Variants in PADI3 observed in about 807,000 individuals in gnomAD.
The protein encoded by PADI3 is protein-arginine deiminase type-3.
In PADI3, 53 loss-of-function variants were observed where a neutral mutation model predicts 71.5. The ratio of observed to expected loss-of-function variants is 0.74; its 90% CI spans 0.59 to 0.93. The LOEUF is 0.93. Among genes scored for constraint, PADI3 ranks in the 40% least tolerant of loss-of-function variants. The pLI, the probability that PADI3 is intolerant of heterozygous loss-of-function variation, is 0.00. For missense variants in PADI3, 821 were observed against 868.0 expected (o/e 0.95, Z 0.68); for synonymous variants, 361 against 347.5 (o/e 1.04, Z -0.43).
intron 11 of PADI3, among the ~76,000 whole-genome samples, chr1:17,276,206 G>A (rs956549993): frequency 1.3e-5 from 2 of 152,092 alleles, no homozygotes; most frequent in Admixed American, 6.5e-5. Flanking sequence ...GCCTGGTGGT[G>A]CACGCCTGTA....
intron 15 of PADI3, among the ~76,000 whole-genome samples, chr1:17,282,330 C>T (rs550350851): frequency 6.6e-6 from 1 of 152,270 alleles, no homozygotes; most frequent in South Asian, 2.1e-4. Flanking sequence ...CTCTCTTTCT[C>T]TCACCCTCTC....
At position 17,271,132 on chromosome 1, in the gene PADI3, T is replaced by C. The variant is rs771399492; in HGVS notation, c.1001T>C (p.Leu334Pro). ...AELARKAGCK[L>P]TICPQAENRN... Reference sequence around the variant, plus strand: ...CTGGCCAGGAAGGCCGGCTGCAAGCTGACCATCTGCCCACAGGCCGAGAAC... The same window carrying C: ...CTGGCCAGGAAGGCCGGCTGCAAGCCGACCATCTGCCCACAGGCCGAGAAC... The change falls in exon 9 of 16, where the codon CTG becomes CCG. Residue 334 changes from leucine to proline, a missense_variant. Physicochemically the swap from Leu to Pro is moderately conservative, Grantham distance 98. Transcript: ENST00000375460. 4 of 1,613,826 alleles carry C rather than the reference T, an allele frequency of 2.5e-6. No individual in the cohort carries two copies. The highest frequency in any genetic ancestry group is 1.1e-5 in the South Asian group (1 of 91,080).
intron 6 of PADI3, among the ~76,000 whole-genome samples, chr1:17,269,726 T>C (rs1454025596): frequency 1.3e-5 from 2 of 152,082 alleles, no homozygotes; most frequent in African/African-American, 4.8e-5. Context: ...CAAGCAATCC[T>C]CCTGCCTAAG....
In PADI3 at chr1:17,259,775, T is replaced by G; in HGVS notation, c.273+17T>G. 6.3e-7 allele frequency: 1 copy of G among 1,584,354 alleles called. No individual in the cohort carries two copies. The highest frequency in any genetic ancestry group is 8.6e-7 in the Non-Finnish European group (1 of 1,160,530). On this transcript the variant is annotated intron_variant, in intron 2 of 15. Coordinates refer to ENST00000375460, the MANE Select transcript of PADI3 (RefSeq NM_016233.2). ...GACAGCCATGTGAGCTGGTCCCTGG[T>G]GGGGTGGGGAGAGGTTTCGAGGGAG... is the stretch of plus-strand genomic sequence containing the variant.
chr1:17,261,598 C>G (rs1249422653), intron 2 of PADI3, among the ~76,000 whole-genome samples: 1 of 152,204 alleles, frequency 6.6e-6, no homozygotes, highest in East Asian at 1.9e-4. Context: ...CCTATGGGCT[C>G]AGTCTTTTAC....
chr1:17,275,125 A>G (rs1340346915), intron 11 of PADI3, among the ~76,000 whole-genome samples: 1 of 152,128 alleles, frequency 6.6e-6, no homozygotes, highest in Non-Finnish European at 1.5e-5. Context: ...AGATGATACT[A>G]GTAACAGTCA....
At chr1:17,274,506 A>T in intron 10 of PADI3, 129 bp from the exon 11 acceptor site, 2 of 759,720 alleles carry the variant, frequency 2.6e-6, no homozygotes, top group Non-Finnish European at 4.4e-6. Context: ...ACCGCCAATG[A>T]CTCTGTATTT....
intron 1 of PADI3, among the ~76,000 whole-genome samples, chr1:17,251,849 G>A (rs1442185763): frequency 1.3e-5 from 2 of 152,214 alleles, no homozygotes; most frequent in Non-Finnish European, 2.9e-5. Context: ...CCCCAAACCT[G>A]CCATATGCAG....
chr1:17,273,474 C>A, intron 10 of PADI3, 27 bp downstream of exon 10: 1 of 1,520,180 alleles, frequency 6.6e-7, no homozygotes, highest in Non-Finnish European at 9.1e-7. Context: ...GCAGCCCACC[C>A]CTGAGAGCTG....
Position 17,274,671 on chromosome 1 carries a change from G to A in PADI3, c.1192G>A (p.Asp398Asn), listed in dbSNP as rs139813503. ...DFGYVTREPRDRSVSGLDSFG... is the reference protein window; with the variant it reads ...DFGYVTREPRNRSVSGLDSFG... The stretch of plus-strand genomic sequence containing the variant: ...TGGTTACGTGACTCGGGAACCACGC[G>A]ACAGGTCTGTGAGTGGCCTGGACTC... The change falls in exon 11 of 16, where the codon GAC becomes AAC. Residue 398 changes from aspartate to asparagine, a missense_variant. Coordinates refer to ENST00000375460, the MANE Select transcript of PADI3 (RefSeq NM_016233.2). The A allele has an allele frequency of 5.9e-5, 95 of 1,613,436 alleles. No individual in the cohort carries two copies. Among genetic ancestry groups the A allele is most frequent in the Middle Eastern group, 1.6e-4 (1 of 6,082 alleles).
Position 17,269,808 on chromosome 1 carries a change from A to G in PADI3, c.653-425A>G, listed in dbSNP as rs534831634. 6.7e-4 allele frequency among the ~76,000 whole-genome samples: 102 copies of G among 152,100 alleles called. No homozygotes were observed. In the East Asian group the frequency reaches 0.018, roughly 27 times the overall value. ...TAATTTTTGTATTTTTAGTAGAGAC[A>G]GGGTTTCACTATGTTAGCCAGGCTG... On this transcript the variant is annotated intron_variant, in intron 6 of 15. Transcript: ENST00000375460.
chr1:17,269,713 G>A (rs1013554858), intron 6 of PADI3, among the ~76,000 whole-genome samples: 3 of 152,082 alleles, frequency 2.0e-5, no homozygotes, highest in African/African-American at 4.8e-5. Context: ...CGCCTCCTGG[G>A]TTCAAGCAAT....
At chr1:17,269,327 T>C (rs755680039) in intron 6 of PADI3, among the ~76,000 whole-genome samples, 31 of 152,244 alleles carry the variant, frequency 2.0e-4, no homozygotes, top group Non-Finnish European at 3.5e-4. Context: ...CTGGTATTTA[T>C]TGAGCTCTAC....
At position 17,251,295 on chromosome 1, in the gene PADI3, G is replaced by A. The variant is rs146337680; in HGVS notation, c.92+2066G>A. On this transcript the variant is annotated intron_variant, in intron 1 of 15. Transcript: ENST00000375460. ...CTGAGTTAGTTCTGAGGTCCCTCCC[G>A]GCTTGGAGGTGCCATGATGTAACAA... Among the ~76,000 whole-genome samples, 14 of 152,284 alleles carry A rather than the reference G, an allele frequency of 9.2e-5. 1 individual carries two copies. The highest frequency in any genetic ancestry group is 4.2e-4 in the South Asian group (2 of 4,818).
At chr1:17,271,219 C>A in intron 9 of PADI3, 41 bp downstream of exon 9, 2 of 1,551,530 alleles carry the variant, frequency 1.3e-6, no homozygotes, top group Non-Finnish European at 1.8e-6. Context: ...AGGACGCCAT[C>A]CTGGAGAGAG....
In PADI3 at chr1:17,280,689, C is replaced by T. The variant is rs755344515; in HGVS notation, c.1654C>T (p.Arg552Cys). The T allele has an allele frequency of 1.9e-5, 30 of 1,614,012 alleles. No individual in the cohort carries two copies. The highest frequency in any genetic ancestry group is 1.2e-4 in the African/African-American group (9 of 74,910). The change falls in exon 15 of 16, where the codon CGT becomes TGT. Residue 552 changes from arginine (R) to cysteine (C), a missense_variant. Arg to Cys is a radical substitution (Grantham distance 180). Transcript: ENST00000375460. ...KFVQSCIDWN[R>C]EVLKRELGLA... ...CCCCCAGAGCTGCATCGACTGGAAC[C>T]GTGAGGTGCTGAAGCGGGAGCTGGG...
intron 1 of PADI3, among the ~76,000 whole-genome samples, chr1:17,257,115 C>T (rs540777078): frequency 1.3e-5 from 2 of 151,862 alleles, no homozygotes; most frequent in East Asian, 3.9e-4. Flanking sequence ...AGGGTGTTCC[C>T]GAGGGTATGA....
At position 17,262,202 on chromosome 1, in the gene PADI3, G is replaced by T; in HGVS notation, c.343G>T (p.Val115Phe). The T allele has an allele frequency of 6.2e-7, 1 of 1,606,828 alleles. No homozygotes were observed. Residue 115 changes from valine (V) to phenylalanine (F), a missense_variant, in exon 3 of 16, where the codon GTT becomes TTT. Val to Phe is a conservative substitution (Grantham distance 50). Coordinates refer to ENST00000375460, the MANE Select transcript of PADI3 (RefSeq NM_016233.2). ...CTATGCGGTGCTCTACCTCACCTGTGTTGGTAAGTTGGGGGCCATGTTGAT... is the reference window on the plus strand; with the variant it reads ...CTATGCGGTGCTCTACCTCACCTGTTTTGGTAAGTTGGGGGCCATGTTGAT... Reference protein sequence around the residue: ...LAYAVLYLTCVDISLDCDLNC... With the variant: ...LAYAVLYLTCFDISLDCDLNC...
At chr1:17,260,883 G>T (rs2073094468) in intron 2 of PADI3, among the ~76,000 whole-genome samples, 1 of 152,116 alleles carries the variant, frequency 6.6e-6, no homozygotes, top group African/African-American at 2.4e-5. Flanking sequence ...CGATGGTGTG[G>T]GTACCCCCAC....
Sources: gnomAD v4.1 joint callset for allele counts (sites outside exome capture counted in the v4.1 genomes callset) on GRCh38, gnomAD v4.1.1 for gene constraint, MANE v1.5 for transcripts, NCBI Gene and HGNC (gene_info 2026-07-23, HGNC 2026-07-21) for gene names.